Variants in SLC2A9 observed in about 807,000 individuals in gnomAD.
SLC2A9 encodes the protein solute carrier family 2 member 9.
Under a neutral mutation model 50.6 loss-of-function variants are expected in SLC2A9, and 39 were observed. That is an observed-to-expected ratio of 0.77 (90% CI 0.60 to 1.01). The LOEUF (loss-of-function observed/expected upper bound fraction) is 1.01, where lower values mean the gene tolerates loss of function less well. Among genes scored for constraint, SLC2A9 ranks in the 50% least tolerant of loss-of-function variants. The pLI, the probability that SLC2A9 is intolerant of heterozygous loss-of-function variation, is 0.00. For synonymous variants in SLC2A9, 324 were observed against 276.9 expected (o/e 1.17, Z -1.69); for missense variants, 686 against 677.6 (o/e 1.01, Z -0.14).
chr4:9,898,421 T>A (rs1332475780), intron 8 of SLC2A9, among the ~76,000 whole-genome samples: 1 of 152,262 alleles, frequency 6.6e-6, no homozygotes, highest in African/African-American at 2.4e-5. Flanking sequence ...TGCTTTCATA[T>A]TATTTCACAT....
At chr4:9,783,611 A>G in intron 3 of SLC2A9, 1 of 754,100 alleles carries the variant, frequency 1.3e-6, no homozygotes, top group Non-Finnish European at 2.1e-6. Context: ...ACCTCACCCC[A>G]TTGATTGGTA....
intron 3 of SLC2A9, among the ~76,000 whole-genome samples, chr4:9,989,239 G>C (rs938565319): frequency 6.6e-6 from 1 of 152,044 alleles, no homozygotes; most frequent in Non-Finnish European, 1.5e-5. Flanking sequence ...CTGTCTACTG[G>C]GCATCTACAA....
intron 1 of SLC2A9, among the ~76,000 whole-genome samples, chr4:10,033,484 C>T (rs979983808): frequency 6.6e-6 from 1 of 152,184 alleles, no homozygotes; most frequent in Non-Finnish European, 1.5e-5. Context: ...AGTATCTACC[C>T]AGAAATCATC....
intron 7 of SLC2A9, among the ~76,000 whole-genome samples, chr4:9,910,171 A>G (rs1451760837): frequency 6.6e-6 from 1 of 152,250 alleles, no homozygotes; most frequent in African/African-American, 2.4e-5. Context: ...TGGCAAAAAC[A>G]GGTTTTAATA....
intron 10 of SLC2A9, among the ~76,000 whole-genome samples, chr4:9,867,646 C>G (rs1277493529): frequency 6.6e-6 from 1 of 152,146 alleles, no homozygotes; most frequent in African/African-American, 2.4e-5. Flanking sequence ...ATGGGGAGTA[C>G]AGGGGAGCCT....
intron 7 of SLC2A9, among the ~76,000 whole-genome samples, chr4:9,914,065 GT>G (rs1742396551): frequency 6.6e-6 from 1 of 152,218 alleles, no homozygotes; most frequent in South Asian, 2.1e-4. Context: ...GCTCAGCCAG[GT>G]AAGGGTGACC....
At chr4:9,873,006 A>G (rs1176902498) in intron 10 of SLC2A9, among the ~76,000 whole-genome samples, 5 of 152,254 alleles carry the variant, frequency 3.3e-5, no homozygotes, top group Non-Finnish European at 7.3e-5. Flanking sequence ...GGAAATGACC[A>G]TAATATGTTG....
Position 9,980,688 on chromosome 4 carries a change from C to G in SLC2A9, c.585G>C (p.Lys195Asn), listed in dbSNP as rs1755584651. ...CCTGCCCCAGAGAGCCACGGATCTCCTTGGGTGAGATCTCACTAAGGTACA... is the reference window on the plus strand; with the variant it reads ...CCTGCCCCAGAGAGCCACGGATCTCGTTGGGTGAGATCTCACTAAGGTACA... Reference protein sequence around the residue: ...LPMYLSEISPKEIRGSLGQVT... With the variant: ...LPMYLSEISPNEIRGSLGQVT... The change falls in exon 5 of 12, where the codon AAG becomes AAC. Residue 195 changes from lysine (K) to asparagine (N), a missense_variant. Transcript: ENST00000264784. 1.2e-6 allele frequency: 2 copies of G among 1,614,014 alleles called. No individual in the cohort carries two copies. The highest frequency in any genetic ancestry group is 1.7e-6 in the Non-Finnish European group (2 of 1,180,026).
chr4:9,975,894 C>T (rs973780183), intron 5 of SLC2A9, among the ~76,000 whole-genome samples: 3 of 152,214 alleles, frequency 2.0e-5, no homozygotes, highest in Non-Finnish European at 4.4e-5. Flanking sequence ...GATACACATA[C>T]ACCGTAGAAT....
chr4:9,790,717 C>T (rs1318061739), intron 3 of SLC2A9, among the ~76,000 whole-genome samples: 1 of 152,170 alleles, frequency 6.6e-6, no homozygotes, highest in African/African-American at 2.4e-5. Flanking sequence ...CTGGGGCCGA[C>T]TCCAAATTAG....
chr4:9,792,344 T>C (rs1353070786), intron 3 of SLC2A9, among the ~76,000 whole-genome samples: 1 of 119,246 alleles, frequency 8.4e-6, no homozygotes, highest in South Asian at 2.7e-4. Context: ...ACCTGGATAG[T>C]TTTTTTTTTT....
downstream of SLC2A9, among the ~76,000 whole-genome samples, chr4:9,779,605 G>A (rs964947912): frequency 2.6e-5 from 4 of 151,714 alleles, no homozygotes; most frequent in Admixed American, 1.3e-4. Flanking sequence ...TAGTAGAGAG[G>A]GAGTTTCACC....
rs115463738 is a variant in SLC2A9 at position 9,993,958 on chromosome 4, T to A, written c.410+2823A>T. On this transcript the variant is annotated intron_variant, in intron 3 of 11. Transcript: ENST00000264784. ...CTGGAGCAGCCAGTGACCAGCCCCA[T>A]CGGAACTCTTCCCCACTTCCCTGGA... Among the ~76,000 whole-genome samples the A allele has an allele frequency of 3.2e-4, 49 of 152,272 alleles. 1 individual carries two copies. The highest frequency in any genetic ancestry group is 3.4e-3 in the Middle Eastern group (1 of 294).
intron 3 of SLC2A9, chr4:9,782,524 G>C: frequency 6.2e-7 from 1 of 1,613,998 alleles, no homozygotes; most frequent in Non-Finnish European, 8.5e-7. Context: ...GCCTGGCATG[G>C]ACCTTGTCCA....
chr4:9,895,666 G>A (rs1738415831), intron 8 of SLC2A9, among the ~76,000 whole-genome samples: 1 of 152,206 alleles, frequency 6.6e-6, no homozygotes, highest in Admixed American at 6.5e-5. Flanking sequence ...TTTTGTTCTG[G>A]TTAGGATTTT....
At chr4:9,821,821 T>C (rs570579620), downstream of SLC2A9, among the ~76,000 whole-genome samples, 4 of 152,348 alleles carry the variant, frequency 2.6e-5, no homozygotes, top group African/African-American at 9.6e-5. Flanking sequence ...ATATTTTCCC[T>C]CAGTATTTGG....
At chr4:9,819,928 C>T (rs752237285) in intron 3 of SLC2A9, among the ~76,000 whole-genome samples, 11 of 152,150 alleles carry the variant, frequency 7.2e-5, no homozygotes, top group East Asian at 3.8e-4. Flanking sequence ...AGCGAGACTC[C>T]GTCTCAAAAC....
At chr4:9,832,443 G>T (rs1455320268) in intron 11 of SLC2A9, among the ~76,000 whole-genome samples, 1 of 152,126 alleles carries the variant, frequency 6.6e-6, no homozygotes, top group Non-Finnish European at 1.5e-5. Context: ...GTATCTACCT[G>T]CCCAGTGTCT....
chr4:9,900,600 G>T (rs767613579), intron 8 of SLC2A9, among the ~76,000 whole-genome samples: 1 of 152,112 alleles, frequency 6.6e-6, no homozygotes, highest in African/African-American at 2.4e-5. Flanking sequence ...CTCACCCCAT[G>T]AGGATAACCT....
Sources: allele counts gnomAD v4.1 joint callset (sites outside exome capture counted in the v4.1 genomes callset), GRCh38; gene constraint gnomAD v4.1.1; transcripts MANE v1.5; gene names NCBI Gene and HGNC (gene_info 2026-07-23, HGNC 2026-07-21).